The following SYNE2 variants were observed in gnomAD, a reference collection of about 807,000 sequenced individuals.
SYNE2 encodes the protein nesprin-2.
SYNE2 carries 431 observed loss-of-function variants against 856.3 expected under a neutral mutation model. The observed-to-expected ratio is 0.50, with a 90% CI of 0.47 to 0.55. The LOEUF is 0.55. Ranked by LOEUF, SYNE2 falls within the 20% of genes least tolerant of loss-of-function variation. SYNE2 has a pLI of 0.00. For synonymous variants in SYNE2, 2,923 were observed against 2,872.3 expected (o/e 1.02, Z -0.56); for missense variants, 8,129 against 8,023.2 (o/e 1.01, Z -0.50).
At chr14:64,071,901 C>G (rs2097412267) in intron 52 of SYNE2, among the ~76,000 whole-genome samples, 2 of 152,094 alleles carry the variant, frequency 1.3e-5, no homozygotes, top group South Asian at 2.1e-4. Flanking sequence ...GCCTATAATC[C>G]CAGCTACTCA....
At chr14:64,016,280 A>G (rs1053144396) in intron 32 of SYNE2, among the ~76,000 whole-genome samples, 193 bp from the exon 33 acceptor site, 1 of 152,128 alleles carries the variant, frequency 6.6e-6, no homozygotes, top group Non-Finnish European at 1.5e-5. Flanking sequence ...CATTGAACCA[A>G]TGGTTAGGAT....
chr14:63,844,592 A>T lies in SYNE2; in HGVS notation c.-304-7909A>T, dbSNP rs924504475. On this transcript the variant is annotated intron_variant, in intron 1 of 23. Coordinates refer to the SYNE2 transcript ENST00000674003. ...TGTGCTTTTGGATTCTGCTGTTAAT[A>T]CTTGACTTGGAATTTTTTTTTACAT... Among the ~76,000 whole-genome samples, 3 of 152,182 alleles carry T rather than the reference A, an allele frequency of 2.0e-5. No homozygotes were observed. In the South Asian group the frequency reaches 6.2e-4, roughly 31 times the overall value.
chr14:64,214,082 A>G, intron 105 of SYNE2, 112 bp from the exon 106 acceptor site: 1 of 1,525,134 alleles, frequency 6.6e-7, no homozygotes, highest in Non-Finnish European at 8.9e-7. Context: ...TGCCTTAGAA[A>G]TACTATTGGC....
rs1488690382 is a variant in SYNE2, at chr14:63,954,761, A to G, written c.633A>G (p.Arg211=). The change falls in exon 8 of 116, where the codon AGA becomes AGG. Residue 211 remains arginine, a synonymous_variant. Transcript: ENST00000555002. ...TGACCGATTTTAAGTCAAGTTGGAG[A>G]AATGGGATGGCTTTTTTGGCCATCA... ...VNVTDFKSSW[R]NGMAFLAIIH... is the part of the protein sequence containing the mutation. 2.5e-6 allele frequency: 4 copies of G among 1,614,110 alleles called. No homozygotes were observed. The highest frequency in any genetic ancestry group is 3.4e-6 in the Non-Finnish European group (4 of 1,180,000).
intron 1 of SYNE2, among the ~76,000 whole-genome samples, chr14:63,854,360 G>A (rs1217207345): frequency 6.6e-6 from 1 of 152,122 alleles, no homozygotes; most frequent in Non-Finnish European, 1.5e-5. Flanking sequence ...CTGAGACATC[G>A]TAAACATGTT....
intron 83 of SYNE2, among the ~76,000 whole-genome samples, chr14:64,145,569 A>T (rs1215673445): frequency 2.6e-5 from 4 of 152,066 alleles, no homozygotes; most frequent in Non-Finnish European, 5.9e-5. Flanking sequence ...AAAAAAGAAT[A>T]TAAAAATGTG....
chr14:63,817,046 T>A (rs1170549161), intron 1 of SYNE2, among the ~76,000 whole-genome samples: 1 of 152,196 alleles, frequency 6.6e-6, no homozygotes, highest in East Asian at 1.9e-4. Context: ...CATGCCTGAC[T>A]TGATGATTCT....
Position 64,177,323 on chromosome 14 carries a change from A to G in SYNE2, c.17431-35A>G. ...TTTCTACAATTCATTCTAAAGAGCAAAATACTTACCAGTTTTAATCTTGTT... is the reference window on the plus strand; with the variant it reads ...TTTCTACAATTCATTCTAAAGAGCAGAATACTTACCAGTTTTAATCTTGTT... On this transcript the variant is annotated intron_variant, in intron 95 of 115. Coordinates refer to ENST00000555002, the MANE Select transcript of SYNE2 (RefSeq NM_182914.3). 3 of 1,613,738 alleles carry G rather than the reference A, an allele frequency of 1.9e-6. No homozygotes were observed. The South Asian group carries it at 3.3e-5, about 18-fold the overall frequency.
intron 31 of SYNE2, among the ~76,000 whole-genome samples, chr14:64,007,457 C>T (rs1481429619): frequency 1.3e-5 from 2 of 152,150 alleles, no homozygotes; most frequent in African/African-American, 4.8e-5. Context: ...CAGTACAGTC[C>T]GTTTATGCTC....
At chr14:63,920,330 C>G (rs1274374770) in intron 2 of SYNE2, among the ~76,000 whole-genome samples, 1 of 151,618 alleles carries the variant, frequency 6.6e-6, no homozygotes, top group Non-Finnish European at 1.5e-5. Flanking sequence ...GATTCCTAAG[C>G]TGTTACCTAA....
chr14:64,002,311 A>G (rs1330728305), intron 29 of SYNE2, among the ~76,000 whole-genome samples: 2 of 152,330 alleles, frequency 1.3e-5, no homozygotes, highest in Admixed American at 1.3e-4. Context: ...TTTGAATTCA[A>G]AATGAAGCCT....
chr14:63,917,850 T>G (rs1210406263), intron 2 of SYNE2, among the ~76,000 whole-genome samples: 1 of 149,658 alleles, frequency 6.7e-6, no homozygotes, highest in African/African-American at 2.6e-5. Context: ...CTGCAAAGTG[T>G]TTTTCAAATT....
intron 1 of SYNE2, among the ~76,000 whole-genome samples, chr14:63,899,653 C>T (rs1018916757): frequency 9.8e-5 from 15 of 152,308 alleles, no homozygotes; most frequent in Middle Eastern, 3.4e-3. Flanking sequence ...AGGCACACAC[C>T]ACCATGCCTA....
chr14:64,138,087 T>A, intron 79 of SYNE2, 104 bp downstream of exon 79: 1 of 1,358,914 alleles, frequency 7.4e-7, no homozygotes, highest in Non-Finnish European at 1.0e-6. Flanking sequence ...CTTATGCTGT[T>A]TTTTCTTGGG....
At chr14:63,783,931 C>G (rs994867612) in intron 1 of SYNE2, among the ~76,000 whole-genome samples, 3 of 152,232 alleles carry the variant, frequency 2.0e-5, no homozygotes, top group Non-Finnish European at 4.4e-5. Context: ...GGTCATTGTA[C>G]TGGTTATTTA....
intron 1 of SYNE2, among the ~76,000 whole-genome samples, chr14:63,796,913 A>G (rs1485141770): frequency 6.6e-6 from 1 of 151,966 alleles, no homozygotes; most frequent in Non-Finnish European, 1.5e-5. Context: ...CCCTATCTCT[A>G]CTAAAGATAC....
At chr14:64,125,520 G>A (rs1213334985) in intron 71 of SYNE2, among the ~76,000 whole-genome samples, 2 of 152,116 alleles carry the variant, frequency 1.3e-5, no homozygotes, top group Admixed American at 6.5e-5. Context: ...AGGGAGTATA[G>A]GCATGGTTTT....
At chr14:63,958,366 T>C (rs1266870) in intron 8 of SYNE2, among the ~76,000 whole-genome samples, 103,337 of 151,988 alleles carry the variant, frequency 0.68, 35,373 homozygotes, top group South Asian at 0.77. Flanking sequence ...GACTTTTAAA[T>C]AAATGACCTT....
chr14:64,206,099 T>TA (rs1487410639), intron 100 of SYNE2, among the ~76,000 whole-genome samples: 1 of 152,236 alleles, frequency 6.6e-6, no homozygotes, highest in African/African-American at 2.4e-5. Flanking sequence ...GGTTCCTTTT[T>TA]ATTCTCATTC....
Sources: gnomAD v4.1 joint callset for allele counts (sites outside exome capture counted in the v4.1 genomes callset) on GRCh38, gnomAD v4.1.1 for gene constraint, MANE v1.5 for transcripts, NCBI Gene and HGNC (gene_info 2026-07-23, HGNC 2026-07-21) for gene names.